Variants in CEP89 observed in about 807,000 individuals in gnomAD.
CEP89 encodes centrosomal protein of 89 kDa.
CEP89 carries 95 observed loss-of-function variants against 97.6 expected under a neutral mutation model. The ratio of observed to expected loss-of-function variants is 0.97; its 90% CI spans 0.82 to 1.15. CEP89 has a LOEUF of 1.15. Ranked by LOEUF, CEP89 falls within the 50% of genes most tolerant of loss-of-function variation. CEP89 has a pLI of 0.00. For synonymous variants in CEP89, 354 were observed against 349.1 expected (o/e 1.01, Z -0.16); for missense variants, 869 against 947.7 (o/e 0.92, Z 1.09).
intron 14 of CEP89, among the ~76,000 whole-genome samples, chr19:32,915,002 C>A (rs1185887180): frequency 6.6e-6 from 1 of 151,886 alleles, no homozygotes; most frequent in Non-Finnish European, 1.5e-5. Context: ...GCCTGCGCAA[C>A]AGAGTGAGAG....
intron 13 of CEP89, chr19:32,917,665 G>A (rs1056324637): frequency 6.7e-5 from 18 of 266,920 alleles, no homozygotes; most frequent in Non-Finnish European, 9.2e-5. Context: ...CTCTTAACCT[G>A]GCCCCCTTAC....
At chr19:32,943,959 G>A (rs928026880) in intron 5 of CEP89, among the ~76,000 whole-genome samples, 8 of 152,090 alleles carry the variant, frequency 5.3e-5, no homozygotes, top group African/African-American at 1.9e-4. Flanking sequence ...CAGATGAGGT[G>A]TCTCATGCCT....
chr19:32,927,214 A>G (rs1034054984), intron 9 of CEP89, among the ~76,000 whole-genome samples: 1 of 152,038 alleles, frequency 6.6e-6, no homozygotes, highest in Non-Finnish European at 1.5e-5. Context: ...CTACCCATCT[A>G]TCTATCTATA....
chr19:32,934,286 G>C (rs1207173757), intron 7 of CEP89, among the ~76,000 whole-genome samples: 1 of 152,200 alleles, frequency 6.6e-6, no homozygotes, highest in Non-Finnish European at 1.5e-5. Context: ...GAGGCCCAGA[G>C]TCCCAGGGCA....
chr19:32,910,823 G>A (rs1420828031), intron 14 of CEP89, among the ~76,000 whole-genome samples: 4 of 152,194 alleles, frequency 2.6e-5, no homozygotes, highest in Non-Finnish European at 5.9e-5. Context: ...AACGTACATG[G>A]AGCTGTCACC....
chr19:32,950,343 GA>G (rs1375518654), intron 4 of CEP89, among the ~76,000 whole-genome samples: 1 of 152,148 alleles, frequency 6.6e-6, no homozygotes, highest in Non-Finnish European at 1.5e-5. Flanking sequence ...CGGATCACCT[GA>G]AGTCGGGAGT....
chr19:32,904,661 C>T (rs553967072), intron 14 of CEP89, among the ~76,000 whole-genome samples: 5 of 151,106 alleles, frequency 3.3e-5, no homozygotes, highest in African/African-American at 7.3e-5. Flanking sequence ...GCGCCACCTC[C>T]ACTCACTGCA....
intron 1 of CEP89, among the ~76,000 whole-genome samples, chr19:32,968,433 A>G (rs1284436830): frequency 6.6e-6 from 1 of 152,174 alleles, no homozygotes; most frequent in Non-Finnish European, 1.5e-5. Flanking sequence ...ATTTTGGTAG[A>G]GATGGGGTTT....
intron 17 of CEP89, among the ~76,000 whole-genome samples, chr19:32,886,860 CT>C (rs869166157): frequency 8.1e-4 from 116 of 143,474 alleles, no homozygotes; most frequent in Admixed American, 2.0e-3. Flanking sequence ...TTCAGCCTTT[CT>C]TTTTTTTTTT....
At chr19:32,892,124 T>TA (rs1969533320) in intron 16 of CEP89, among the ~76,000 whole-genome samples, 1 of 135,484 alleles carries the variant, frequency 7.4e-6, no homozygotes, top group African/African-American at 2.9e-5. Context: ...ATACATATAT[T>TA]TAGACATATA....
intron 7 of CEP89, among the ~76,000 whole-genome samples, chr19:32,935,132 G>A (rs1970553591): frequency 1.3e-5 from 2 of 152,162 alleles, no homozygotes; most frequent in African/African-American, 4.8e-5. Flanking sequence ...CAGAAAGGCA[G>A]GGCAGGGGGC....
chr19:32,927,010 C>T, intron 9 of CEP89, 26 bp from the exon 10 acceptor site: 1 of 1,589,716 alleles, frequency 6.3e-7, no homozygotes. Flanking sequence ...GTATTGAAGA[C>T]AAGTTAAACC....
rs143285556 is a variant in CEP89, at chr19:32,955,606, C to T, written c.306-1805G>A. Among the ~76,000 whole-genome samples the T allele has an allele frequency of 5.9e-4, 90 of 152,212 alleles. No homozygotes were observed. In the East Asian group the frequency reaches 0.016, roughly 27 times the overall value. The stretch of plus-strand genomic sequence containing the variant: ...TCAGTGCACTGCCACCTCCGCTTCC[C>T]GCGTTCAAGTGATTCTCCTGCCTCA... On this transcript the variant is annotated intron_variant, in intron 3 of 18. Coordinates refer to ENST00000305768, the MANE Select transcript of CEP89 (RefSeq NM_032816.5).
intron 5 of CEP89, among the ~76,000 whole-genome samples, chr19:32,941,950 A>G (rs1464322940): frequency 6.6e-6 from 1 of 152,254 alleles, no homozygotes; most frequent in Non-Finnish European, 1.5e-5. Flanking sequence ...CACCTTTACA[A>G]TAGTCTTGAT....
chr19:32,951,534 T>TATACACAC lies in CEP89; in HGVS notation c.492+2080_492+2081insGTGTGTAT, dbSNP rs1407110112. On this transcript the variant is annotated intron_variant, in intron 4 of 18. Transcript: ENST00000305768. ...AATTATATATATATATATATATATATACACACACACACACACACACACACA... is the reference window on the plus strand; with the variant it reads ...AATTATATATATATATATATATATATATACACACACACACACACACACACACACACACA... Among the ~76,000 whole-genome samples the TATACACAC allele has an allele frequency of 5.9e-3, 718 of 121,994 alleles. 5 individuals are homozygous for TATACACAC. Among genetic ancestry groups the TATACACAC allele is most frequent in the African/African-American group, 6.8e-3 (198 of 29,266 alleles). The allele number at this position is 121,994 out of a possible 152,430, so 80.0% of individuals were successfully genotyped here. A position where few individuals can be genotyped will look rare whatever the true frequency, so the allele number is the denominator to read the frequency against.
intron 11 of CEP89, among the ~76,000 whole-genome samples, chr19:32,925,512 C>T (rs763541071): frequency 6.5e-4 from 81 of 123,800 alleles, no homozygotes; most frequent in African/African-American, 1.7e-3. Context: ...TTTTTCGAGA[C>T]GGAGTCTGGC....
intron 9 of CEP89, among the ~76,000 whole-genome samples, chr19:32,930,021 CTTTT>C (rs777333613): frequency 7.5e-6 from 1 of 133,408 alleles, no homozygotes; most frequent in Non-Finnish European, 1.6e-5. Flanking sequence ...CTTTTTTTTC[CTTTT>C]TTTTTTTTTT....
chr19:32,940,914 C>T (rs965989054), intron 5 of CEP89, among the ~76,000 whole-genome samples: 4 of 152,140 alleles, frequency 2.6e-5, no homozygotes, highest in African/African-American at 7.2e-5. Context: ...GCATGCGCCA[C>T]GACACCCAGC....
At chr19:32,969,432 G>T (rs1445475968) in intron 1 of CEP89, 1 of 152,206 alleles carries the variant, frequency 6.6e-6, no homozygotes, top group Non-Finnish European at 1.5e-5. Flanking sequence ...CTGGCCTGAG[G>T]GTGGGGCCTT....
Sources: allele counts gnomAD v4.1 joint callset (sites outside exome capture counted in the v4.1 genomes callset), GRCh38; gene constraint gnomAD v4.1.1; transcripts MANE v1.5; gene names NCBI Gene and HGNC (gene_info 2026-07-23, HGNC 2026-07-21).